Variants in SPP1 observed in about 807,000 individuals in gnomAD.
SPP1 encodes the protein osteopontin.
SPP1 carries 18 observed loss-of-function variants against 20.8 expected under a neutral mutation model. The observed-to-expected ratio is 0.87, with a 90% CI of 0.60 to 1.29. SPP1 has a LOEUF of 1.29. Ranked by LOEUF, SPP1 falls within the 50% of genes most tolerant of loss-of-function variation. The pLI is 0.00. For missense variants in SPP1, 363 were observed against 389.0 expected, an observed-to-expected ratio of 0.93 and a Z score of 0.56; for synonymous variants, 146 against 141.5, an observed-to-expected ratio of 1.03 and a Z score of -0.23.
intron 3 of SPP1, among the ~76,000 whole-genome samples, chr4:87,978,610 C>T (rs556172773): frequency 1.4e-4 from 22 of 152,194 alleles, no homozygotes; most frequent in African/African-American, 4.8e-4. Flanking sequence ...TCTCCATCTC[C>T]TGACCTCGTG....
intron 5 of SPP1, 35 bp downstream of exon 5, chr4:87,980,469 C>A: frequency 1.9e-6 from 3 of 1,605,874 alleles, no homozygotes; most frequent in Non-Finnish European, 2.5e-6. Context: ...GCCCATCATG[C>A]CTTGAAGAGA....
chr4:87,975,963 A>T (rs1331256518), intron 1 of SPP1, among the ~76,000 whole-genome samples, 163 bp downstream of exon 1: 2 of 152,228 alleles, frequency 1.3e-5, no homozygotes, highest in African/African-American at 2.4e-5. Flanking sequence ...CCTGGAACAA[A>T]GGTGTCTAGA....
intron 1 of SPP1, 33 bp from the exon 2 acceptor site, chr4:87,976,849 G>T (rs1725396994): frequency 6.6e-7 from 1 of 1,523,556 alleles, no homozygotes; most frequent in Admixed American, 1.7e-5. Flanking sequence ...AACCTATGAA[G>T]ATGTCAGCTA....
In SPP1 at chr4:87,983,100, G is replaced by C. The variant is rs183347805; in HGVS notation, c.*204G>C. On this transcript the variant is annotated 3_prime_UTR_variant, in exon 7 of 7. Coordinates refer to ENST00000395080, the MANE Select transcript of SPP1 (RefSeq NM_001040058.2). ...CTCCCTGTAAACTAAAAGCTTCAGGGTTATGTCTATGTTCATTCTATAGAA... is the reference window on the plus strand; with the variant it reads ...CTCCCTGTAAACTAAAAGCTTCAGGCTTATGTCTATGTTCATTCTATAGAA... The C allele has an allele frequency of 3.7e-6, 2 of 545,742 alleles. No homozygotes were observed. Among genetic ancestry groups the C allele is most frequent in the South Asian group, 4.9e-5 (2 of 40,448 alleles). The allele number at this position is 545,742 out of a possible 1,614,324, so 33.8% of individuals were successfully genotyped here.
rs765472589 is a variant in SPP1 at position 87,980,028 on chromosome 4, C to T, written c.94-18C>T. 78 of 1,611,826 alleles carry T rather than the reference C, an allele frequency of 4.8e-5. No individual in the cohort carries two copies. Among genetic ancestry groups the T allele is most frequent in the Non-Finnish European group, 6.0e-5 (71 of 1,179,028 alleles). ...CATTTCTTTTTTTAATAATGATAAA[C>T]ATGCAACTTTTTTGTAGCTTTACAA... On this transcript the variant is annotated intron_variant, in intron 3 of 6. Coordinates refer to ENST00000395080, the MANE Select transcript of SPP1 (RefSeq NM_001040058.2).
At chr4:87,981,414 A>G (rs1725634157) in intron 5 of SPP1, 61 bp from the exon 6 acceptor site, 3 of 1,454,362 alleles carry the variant, frequency 2.1e-6, no homozygotes, top group East Asian at 2.3e-5. Context: ...CTAATGTGCT[A>G]TAAAGGCTAA....
chr4:87,982,462 T>G, intron 6 of SPP1, 30 bp from the exon 7 acceptor site: 1 of 1,600,072 alleles, frequency 6.2e-7, no homozygotes, highest in Non-Finnish European at 8.5e-7. Flanking sequence ...GCCGTTCATA[T>G]AATTATTCTT....
intron 3 of SPP1, chr4:87,977,731 C>T: frequency 7.8e-7 from 1 of 1,281,480 alleles, no homozygotes; most frequent in Middle Eastern, 2.2e-4. Flanking sequence ...GGGCATTGTC[C>T]CCAGAAGCTT....
chr4:87,979,114 C>T (rs889372957), intron 3 of SPP1, among the ~76,000 whole-genome samples: 3 of 151,632 alleles, frequency 2.0e-5, no homozygotes, highest in African/African-American at 7.3e-5. Context: ...GGCTATTGAG[C>T]ACTCAAAATG....
At chr4:87,980,357 T>C in intron 4 of SPP1, 36 bp from the exon 5 acceptor site, 2 of 1,610,218 alleles carry the variant, frequency 1.2e-6, no homozygotes, top group South Asian at 1.1e-5. Flanking sequence ...GCTAGGCATG[T>C]GTGATGCGCA....
At chr4:87,981,879 C>A in intron 6 of SPP1, 81 bp downstream of exon 6, 1 of 1,132,058 alleles carries the variant, frequency 8.8e-7, no homozygotes, top group Non-Finnish European at 1.3e-6. Context: ...TTCATTCATT[C>A]ATTCATCCAT....
At chr4:87,981,910 A>T in intron 6 of SPP1, 112 bp downstream of exon 6, 1 of 956,792 alleles carries the variant, frequency 1.0e-6, no homozygotes, top group Non-Finnish European at 1.5e-6. Context: ...ATTCAGCAAG[A>T]ATTCATTCAT....
chr4:87,980,487 A>G, intron 5 of SPP1, 53 bp downstream of exon 5: 1 of 1,586,006 alleles, frequency 6.3e-7, no homozygotes, highest in Non-Finnish European at 8.6e-7. Context: ...AGATGAAAGA[A>G]GGCATTGCCT....
intron 5 of SPP1, among the ~76,000 whole-genome samples, chr4:87,980,999 C>T (rs1359637496): frequency 6.6e-6 from 1 of 152,170 alleles, no homozygotes; most frequent in East Asian, 1.9e-4. Context: ...ACATGCATAA[C>T]AGAGTCACCT....
chr4:87,978,632 T>C (rs1365384313), intron 3 of SPP1, among the ~76,000 whole-genome samples: 1 of 152,168 alleles, frequency 6.6e-6, no homozygotes, highest in Non-Finnish European at 1.5e-5. Context: ...TCCACCCTCC[T>C]TGGCCTCCCA....
intron 3 of SPP1, among the ~76,000 whole-genome samples, chr4:87,979,120 A>G (rs1725534744): frequency 6.6e-6 from 1 of 151,990 alleles, no homozygotes; most frequent in African/African-American, 2.4e-5. Context: ...TGAGCACTCA[A>G]AATGTGGGCT....
At position 87,981,654 on chromosome 4, in the gene SPP1, G is replaced by T; in HGVS notation, c.396G>T (p.Leu132=). 1.2e-6 allele frequency: 2 copies of T among 1,614,106 alleles called. No individual in the cohort carries two copies. The highest frequency in any genetic ancestry group is 1.1e-5 in the South Asian group (1 of 91,072). Reference sequence around the variant, plus strand: ...ACCATTCTGATGAATCTGATGAACTGGTCACTGATTTTCCCACGGACCTGC... The same window carrying T: ...ACCATTCTGATGAATCTGATGAACTTGTCACTGATTTTCCCACGGACCTGC... ...ESHHSDESDE[L]VTDFPTDLPA... is the part of the protein sequence containing the mutation. The change falls in exon 6 of 7, where the codon CTG becomes CTT. Residue 132 remains leucine, a synonymous_variant. Transcript: ENST00000395080.
chr4:87,976,892 T>A lies in SPP1; in HGVS notation c.-4T>A, dbSNP rs772329146. On this transcript the variant is annotated 5_prime_UTR_variant, in exon 2 of 7. Transcript: ENST00000395080. ...TGAAATATTTTGCAGGAAAACTCACTACCATGAGAATTGCAGTGATTTGCT... is the reference window on the plus strand; with the variant it reads ...TGAAATATTTTGCAGGAAAACTCACAACCATGAGAATTGCAGTGATTTGCT... 1.4e-5 allele frequency: 23 copies of A among 1,612,526 alleles called. No individual in the cohort carries two copies. In the South Asian group the frequency reaches 2.5e-4, roughly 18 times the overall value.
At chr4:87,976,681 T>C (rs1725387804) in intron 1 of SPP1, among the ~76,000 whole-genome samples, 1 of 152,082 alleles carries the variant, frequency 6.6e-6, no homozygotes, top group Non-Finnish European at 1.5e-5. Context: ...TGCCTAATAG[T>C]GAAAGATGGA....
Sources: allele counts gnomAD v4.1 joint callset (sites outside exome capture counted in the v4.1 genomes callset), GRCh38; gene constraint gnomAD v4.1.1; transcripts MANE v1.5; gene names NCBI Gene and HGNC (gene_info 2026-07-23, HGNC 2026-07-21).